The following RASGEF1A variants were observed in gnomAD, a reference collection of about 807,000 sequenced individuals.
RASGEF1A encodes ras-GEF domain-containing family member 1A.
Under a neutral mutation model 56.4 loss-of-function variants are expected in RASGEF1A, and 18 were observed. The ratio of observed to expected loss-of-function variants is 0.32; its 90% CI spans 0.22 to 0.47. The LOEUF (loss-of-function observed/expected upper bound fraction) is 0.47. Ranked by LOEUF, RASGEF1A falls within the 20% of genes least tolerant of loss-of-function variation. The probability of loss-of-function intolerance (pLI) is 1.00; values close to 1 mark genes in which losing one functional copy is unlikely to be tolerated. For synonymous variants in RASGEF1A, 245 were observed against 242.6 expected (o/e 1.01, Z -0.09); for missense variants, 422 against 627.1 (o/e 0.67, Z 3.49).
rs1839781593 is a variant in RASGEF1A at position 43,195,381 on chromosome 10, T to C, written c.*863A>G. 1 of 152,128 alleles carries C rather than the reference T, an allele frequency of 6.6e-6. No homozygotes were observed. The highest frequency in any genetic ancestry group is 2.4e-5 in the African/African-American group (1 of 41,412). 9.4% of individuals were successfully genotyped at this position (152,128 alleles called of 1,614,324 possible). On this transcript the variant is annotated 3_prime_UTR_variant, in exon 13 of 13. Transcript: ENST00000395810. The surrounding 1 kb of genome is among the most constrained non-coding windows in gnomAD (Gnocchi z 4.2). ...GGGCTGTTGGCTGCCCTCCCCTCTG[T>C]AGATGATAGGTTTCAAGACTAGCTC...
At chr10:43,215,897 G>A (rs1182877420) in intron 1 of RASGEF1A, among the ~76,000 whole-genome samples, 2 of 152,184 alleles carry the variant, frequency 1.3e-5, no homozygotes, top group Non-Finnish European at 2.9e-5. Flanking sequence ...CGGTGAGGTT[G>A]GCCTCCCTGT....
At chr10:43,204,087 T>A (rs1240234729) in intron 2 of RASGEF1A, among the ~76,000 whole-genome samples, 1 of 151,976 alleles carries the variant, frequency 6.6e-6, no homozygotes, top group African/African-American at 2.4e-5. Flanking sequence ...GTGGGCTGGG[T>A]TCTTGGGCCT....
At position 43,218,296 on chromosome 10, in the gene RASGEF1A, C is replaced by A. The variant is rs192010874; in HGVS notation, c.-6-12174G>T. Among the ~76,000 whole-genome samples, 835 of 152,366 alleles carry A rather than the reference C, an allele frequency of 5.5e-3. 27 individuals carry two copies. The highest frequency in any genetic ancestry group is 0.049 in the Admixed American group (750 of 15,308). ...CCTCCCATGCAAGGGACAGCCAGTG[C>A]ACCTGCTGCAGACAGCAACAAGTGA... On this transcript the variant is annotated intron_variant, in intron 1 of 12. Coordinates refer to ENST00000395810, the MANE Select transcript of RASGEF1A (RefSeq NM_145313.4).
At chr10:43,252,186 T>C (rs1240974062) in intron 1 of RASGEF1A, among the ~76,000 whole-genome samples, 1 of 152,210 alleles carries the variant, frequency 6.6e-6, no homozygotes, top group Non-Finnish European at 1.5e-5. Context: ...GGCACTCCTG[T>C]GTGTGCACGG....
At chr10:43,244,068 G>A (rs1840540810) in intron 1 of RASGEF1A, among the ~76,000 whole-genome samples, 1 of 152,236 alleles carries the variant, frequency 6.6e-6, no homozygotes, top group South Asian at 2.1e-4. Flanking sequence ...TTGGGATGCT[G>A]TTAATCTATA....
chr10:43,200,475 C>T (rs116333666), intron 5 of RASGEF1A, among the ~76,000 whole-genome samples, 192 bp downstream of exon 5: 367 of 152,264 alleles, frequency 2.4e-3, no homozygotes, highest in African/African-American at 8.2e-3. Context: ...TTCCTGAGGA[C>T]GTGAGTGCCA....
intron 1 of RASGEF1A, among the ~76,000 whole-genome samples, chr10:43,212,599 G>A (rs1840083143): frequency 6.6e-6 from 1 of 152,252 alleles, no homozygotes; most frequent in South Asian, 2.1e-4. Flanking sequence ...GGAGTGCGGG[G>A]TGGCAGGGAG....
At chr10:43,246,676 T>C (rs1316432559) in intron 1 of RASGEF1A, among the ~76,000 whole-genome samples, 3 of 152,184 alleles carry the variant, frequency 2.0e-5, no homozygotes, top group Non-Finnish European at 4.4e-5. Context: ...GGGGAAAGAA[T>C]ACTCTCTTCA....
intron 1 of RASGEF1A, among the ~76,000 whole-genome samples, chr10:43,245,659 C>A (rs1205144607): frequency 4.6e-5 from 7 of 152,108 alleles, no homozygotes; most frequent in Non-Finnish European, 1.0e-4. Flanking sequence ...TATCCATAGA[C>A]CACATAATCA....
Position 43,195,382 on chromosome 10 carries a change from A to AGAT in RASGEF1A, c.*859_*861dup, listed in dbSNP as rs1018131107. ...GGCTGTTGGCTGCCCTCCCCTCTGT[A>AGAT]GATGATAGGTTTCAAGACTAGCTCT... On this transcript the variant is annotated 3_prime_UTR_variant, in exon 13 of 13. Transcript: ENST00000395810. This position sits in a 1 kb window ranked among gnomAD's most constrained non-coding sequence, Gnocchi z 4.2. The AGAT allele has an allele frequency of 6.6e-6, 1 of 152,168 alleles. No individual in the cohort carries two copies. The highest frequency in any genetic ancestry group is 1.5e-5 in the Non-Finnish European group (1 of 68,028). 9.4% of individuals were successfully genotyped at this position (152,168 alleles called of 1,614,324 possible). A position where few individuals can be genotyped will look rare whatever the true frequency, so the allele number is the denominator to read the frequency against.
At chr10:43,207,846 A>G in intron 1 of RASGEF1A, 1 of 539,434 alleles carries the variant, frequency 1.9e-6, no homozygotes, top group Non-Finnish European at 2.4e-6. Context: ...TTCATTTTTC[A>G]GATGGTGAAA....
intron 1 of RASGEF1A, among the ~76,000 whole-genome samples, chr10:43,222,159 C>T (rs1840217359): frequency 1.3e-5 from 2 of 152,324 alleles, no homozygotes; most frequent in South Asian, 2.1e-4. Context: ...GCAACTGTAA[C>T]ACAACGGTAA....
intron 2 of RASGEF1A, 105 bp downstream of exon 2, chr10:43,205,814 C>A: frequency 1.1e-6 from 1 of 948,162 alleles, no homozygotes; most frequent in East Asian, 2.6e-5. Flanking sequence ...CTCCTGCAGC[C>A]CTGTCCAGCT....
intron 2 of RASGEF1A, chr10:43,203,721 C>T: frequency 8.9e-7 from 1 of 1,125,514 alleles, no homozygotes; most frequent in East Asian, 7.2e-5. Context: ...ATAGGGCTAA[C>T]CCCAGCCTGG....
rs371870454 is a variant in RASGEF1A, at chr10:43,225,257, TG to T, written c.-6-19136del. On this transcript the variant is annotated intron_variant, in intron 1 of 12. Coordinates refer to ENST00000395810, the MANE Select transcript of RASGEF1A (RefSeq NM_145313.4). Reference sequence around the variant, plus strand: ...GTGCATGTCTGTGTGTGGGGGTCTGTGGGGGGGGGGTCTCTGTGTCTGTGTG... The same window carrying T: ...GTGCATGTCTGTGTGTGGGGGTCTGTGGGGGGGGGTCTCTGTGTCTGTGTG... Among the ~76,000 whole-genome samples, 113 of 39,220 alleles carry T rather than the reference TG, an allele frequency of 2.9e-3. 4 individuals carry two copies. The highest frequency in any genetic ancestry group is 6.5e-3 in the Admixed American group (17 of 2,624). 25.7% of individuals were successfully genotyped at this position (39,220 alleles called of 152,430 possible).
At position 43,203,400 on chromosome 10, in the gene RASGEF1A, A is replaced by G; in HGVS notation, c.219T>C (p.Phe73=). Reference sequence around the variant, plus strand: ...GCATAAAGACCCGGGAGCTCAGGAGAAAGGTGAAGATGTACGTCCTCTGAA... The same window carrying G: ...GCATAAAGACCCGGGAGCTCAGGAGGAAGGTGAAGATGTACGTCCTCTGAA... The part of the protein sequence containing the change: ...YYPDRTYIFT[F]LLSSRVFMPP... The change falls in exon 3 of 13, where the codon TTT becomes TTC. Residue 73 remains phenylalanine (F), a synonymous_variant. Transcript: ENST00000395810. 3 of 1,580,434 alleles carry G rather than the reference A, an allele frequency of 1.9e-6. No homozygotes were observed. The highest frequency in any genetic ancestry group is 2.6e-6 in the Non-Finnish European group (3 of 1,162,976).
intron 1 of RASGEF1A, among the ~76,000 whole-genome samples, chr10:43,229,413 G>T (rs1008269253): frequency 6.6e-6 from 1 of 152,192 alleles, no homozygotes; most frequent in Non-Finnish European, 1.5e-5. Context: ...CTCGGCGTCC[G>T]CGGGCCGCGC....
intron 1 of RASGEF1A, among the ~76,000 whole-genome samples, chr10:43,237,962 G>A (rs1347591085): frequency 1.3e-5 from 2 of 152,238 alleles, no homozygotes; most frequent in Non-Finnish European, 2.9e-5. Flanking sequence ...GCGGGGATCT[G>A]GGCTCAGCAC....
At position 43,199,058 on chromosome 10, in the gene RASGEF1A, G is replaced by T. The variant is rs377456815; in HGVS notation, c.952+34C>A. 66 of 1,608,092 alleles carry T rather than the reference G, an allele frequency of 4.1e-5. No individual in the cohort carries two copies. The African/African-American group carries it at 8.0e-4, about 20-fold the overall frequency. On this transcript the variant is annotated intron_variant, in intron 8 of 12. Coordinates refer to ENST00000395810, the MANE Select transcript of RASGEF1A (RefSeq NM_145313.4). ...GGTCAGGGCCGGGGGGGTGGGCCATGCAGCAGCCCCACCCTGGGTGCCCAG... is the reference window on the plus strand; with the variant it reads ...GGTCAGGGCCGGGGGGGTGGGCCATTCAGCAGCCCCACCCTGGGTGCCCAG...
Sources: gnomAD v4.1 joint callset for allele counts (sites outside exome capture counted in the v4.1 genomes callset) on GRCh38, gnomAD v4.1.1 for gene constraint, Gnocchi (gnomAD v3.1) non-coding constraint, MANE v1.5 for transcripts, NCBI Gene and HGNC (gene_info 2026-07-23, HGNC 2026-07-21) for gene names.